GPC5: variants seen among roughly 807,000 people sequenced by gnomAD.
The protein encoded by GPC5 is glypican 5.
In GPC5, 47 loss-of-function variants were observed where a neutral mutation model predicts 53.9. That is an observed-to-expected ratio of 0.87 (90% CI 0.69 to 1.11). The LOEUF is 1.11. Among genes scored for constraint, GPC5 ranks in the 50% most tolerant of loss-of-function variants. The pLI, the probability that GPC5 is intolerant of heterozygous loss-of-function variation, is 0.00. For synonymous variants in GPC5, 286 were observed against 263.3 expected (o/e 1.09, Z -0.84); for missense variants, 748 against 713.1 (o/e 1.05, Z -0.56).
chr13:92,599,878 A>T (rs1274873146), intron 7 of GPC5, among the ~76,000 whole-genome samples: 1 of 152,188 alleles, frequency 6.6e-6, no homozygotes, highest in Non-Finnish European at 1.5e-5. Context: ...GCCTTATTTA[A>T]GCATACAATT....
intron 7 of GPC5, among the ~76,000 whole-genome samples, chr13:92,148,162 A>G (rs1327575188): frequency 6.6e-6 from 1 of 152,112 alleles, no homozygotes; most frequent in Admixed American, 6.6e-5. Flanking sequence ...ATCTACATAT[A>G]ACTATATATA....
At chr13:92,605,347 C>T (rs1449519613) in intron 7 of GPC5, among the ~76,000 whole-genome samples, 1 of 152,130 alleles carries the variant, frequency 6.6e-6, no homozygotes, top group Non-Finnish European at 1.5e-5. Context: ...CTTGTCACTA[C>T]AGCTTATTTA....
intron 7 of GPC5, among the ~76,000 whole-genome samples, chr13:92,557,142 G>A (rs1011305822): frequency 3.3e-5 from 5 of 151,426 alleles, no homozygotes; most frequent in African/African-American, 1.2e-4. Flanking sequence ...GGGATATAGC[G>A]CTATTCTAGC....
At chr13:91,491,781 T>C (rs970502356) in intron 2 of GPC5, among the ~76,000 whole-genome samples, 16 of 152,182 alleles carry the variant, frequency 1.1e-4, no homozygotes, top group Non-Finnish European at 2.2e-4. Flanking sequence ...TCTTTGCCTC[T>C]CCTGTCTTCT....
At chr13:92,667,576 G>A (rs553298524) in intron 7 of GPC5, among the ~76,000 whole-genome samples, 3 of 152,250 alleles carry the variant, frequency 2.0e-5, no homozygotes, top group Admixed American at 2.0e-4. Context: ...GGATCTTAGT[G>A]AAGGGCATAT....
intron 6 of GPC5, among the ~76,000 whole-genome samples, chr13:92,073,498 A>G (rs565866142): frequency 1.6e-4 from 24 of 152,148 alleles, no homozygotes; most frequent in Non-Finnish European, 3.4e-4. Flanking sequence ...TGGACTTTCT[A>G]TGTCATACAG....
intron 5 of GPC5, among the ~76,000 whole-genome samples, chr13:91,809,271 C>T (rs572814709): frequency 2.9e-4 from 44 of 152,214 alleles, no homozygotes; most frequent in African/African-American, 1.0e-3. Context: ...ATTTTAACCA[C>T]TACTGAAATA....
chr13:92,386,166 A>G (rs1594157223), intron 7 of GPC5, among the ~76,000 whole-genome samples: 1 of 152,170 alleles, frequency 6.6e-6, no homozygotes, highest in East Asian at 1.9e-4. Flanking sequence ...GTAAAAAGGT[A>G]TAGCATCCAG....
chr13:91,846,938 G>T (rs1364128340), intron 5 of GPC5, among the ~76,000 whole-genome samples: 1 of 152,024 alleles, frequency 6.6e-6, no homozygotes, highest in Non-Finnish European at 1.5e-5. Flanking sequence ...AATGGGTGCG[G>T]GCTGGGCACG....
At chr13:91,643,939 C>A (rs1271644169) in intron 2 of GPC5, among the ~76,000 whole-genome samples, 1 of 151,028 alleles carries the variant, frequency 6.6e-6, no homozygotes, top group East Asian at 1.9e-4. Context: ...TCAAAAGTCA[C>A]ATTTTGAGCT....
At chr13:91,963,799 C>T (rs534795486) in intron 6 of GPC5, among the ~76,000 whole-genome samples, 2 of 152,170 alleles carry the variant, frequency 1.3e-5, no homozygotes, top group South Asian at 2.1e-4. Context: ...GTATTTTGAG[C>T]TCATACCACT....
intron 7 of GPC5, among the ~76,000 whole-genome samples, chr13:92,853,348 T>C (rs1207362019): frequency 2.6e-4 from 40 of 152,182 alleles, no homozygotes; most frequent in Admixed American, 2.6e-3. Flanking sequence ...TTTATGATGA[T>C]TTATTGTGGT....
chr13:91,542,555 C>T (rs946568327), intron 2 of GPC5, among the ~76,000 whole-genome samples: 11 of 152,178 alleles, frequency 7.2e-5, no homozygotes, highest in Non-Finnish European at 1.5e-4. Flanking sequence ...AGGACACGAG[C>T]GCAGTTGACT....
In GPC5 at chr13:92,549,267, C is replaced by T. The variant is rs150783362; in HGVS notation, c.1562-317015C>T. 6.4e-3 allele frequency among the ~76,000 whole-genome samples: 979 copies of T among 152,212 alleles called. 10 individuals carry two copies. The highest frequency in any genetic ancestry group is 0.023 in the African/African-American group (936 of 41,556). On this transcript the variant is annotated intron_variant, in intron 7 of 7. Coordinates refer to ENST00000377067, the MANE Select transcript of GPC5 (RefSeq NM_004466.6). ...AAAGGGAACCATACCTACTAAACTGCCACTAATTTCTGTGTGGCTTAATTA... is the reference window on the plus strand; with the variant it reads ...AAAGGGAACCATACCTACTAAACTGTCACTAATTTCTGTGTGGCTTAATTA...
intron 5 of GPC5, among the ~76,000 whole-genome samples, chr13:91,876,767 GA>G (rs1350453739): frequency 6.6e-6 from 1 of 152,158 alleles, no homozygotes; most frequent in Non-Finnish European, 1.5e-5. Context: ...AAGTAGCAAG[GA>G]GCCTAATGTT....
chr13:92,424,717 T>C (rs1260184988), intron 7 of GPC5, among the ~76,000 whole-genome samples: 1 of 152,006 alleles, frequency 6.6e-6, no homozygotes, highest in East Asian at 1.9e-4. Flanking sequence ...TATTTAGAAA[T>C]GGATATTCCT....
intron 7 of GPC5, among the ~76,000 whole-genome samples, chr13:92,201,838 C>T (rs2042297317): frequency 6.6e-6 from 1 of 152,168 alleles, no homozygotes; most frequent in Non-Finnish European, 1.5e-5. Flanking sequence ...AGCAATAATA[C>T]ATCTGACAAT....
chr13:92,341,596 G>A (rs2139249492), intron 7 of GPC5, among the ~76,000 whole-genome samples: 1 of 152,108 alleles, frequency 6.6e-6, no homozygotes, highest in East Asian at 1.9e-4. Context: ...AGTTGCTGAT[G>A]TAGTAAAATA....
chr13:92,170,236 A>C (rs1179630691), intron 7 of GPC5, among the ~76,000 whole-genome samples: 1 of 151,734 alleles, frequency 6.6e-6, no homozygotes, highest in African/African-American at 2.4e-5. Flanking sequence ...TTTGTATAGA[A>C]AGTCTTTTGT....
Sources: gnomAD v4.1 joint callset for allele counts (sites outside exome capture counted in the v4.1 genomes callset) on GRCh38, gnomAD v4.1.1 for gene constraint, MANE v1.5 for transcripts, NCBI Gene and HGNC (gene_info 2026-07-23, HGNC 2026-07-21) for gene names.